Variants in GALNTL6 observed in about 807,000 individuals in gnomAD.
The protein encoded by GALNTL6 is polypeptide N-acetylgalactosaminyltransferase like 6.
In GALNTL6, 46 loss-of-function variants were observed where a neutral mutation model predicts 73.7. The ratio of observed to expected loss-of-function variants is 0.62; its 90% confidence interval spans 0.49 to 0.80. The LOEUF is 0.80. GALNTL6 is among the 30% of genes least tolerant of loss of function. The probability of loss-of-function intolerance (pLI) is 0.00; values close to 1 mark genes in which losing one functional copy is unlikely to be tolerated. For missense variants in GALNTL6, 604 were observed against 755.0 expected, an observed-to-expected ratio of 0.80 and a Z score of 2.34; for synonymous variants, 259 against 263.7, an observed-to-expected ratio of 0.98 and a Z score of 0.17.
At chr4:171,946,920 G>T (rs961139960) in intron 2 of GALNTL6, among the ~76,000 whole-genome samples, 2 of 151,446 alleles carry the variant, frequency 1.3e-5, no homozygotes, top group Non-Finnish European at 2.9e-5. Flanking sequence ...GTTCCGGGGG[G>T]TACAAATAAA....
intron 2 of GALNTL6, among the ~76,000 whole-genome samples, chr4:172,131,552 A>G (rs1160304220): frequency 2.0e-5 from 3 of 150,590 alleles, no homozygotes; most frequent in Non-Finnish European, 4.4e-5. Flanking sequence ...TTGTGTGTGT[A>G]TGCTTTTATT....
At chr4:172,147,266 A>AT (rs1411172408) in intron 2 of GALNTL6, among the ~76,000 whole-genome samples, 2 of 152,202 alleles carry the variant, frequency 1.3e-5, no homozygotes, top group Non-Finnish European at 1.5e-5. Flanking sequence ...AAACATGAAT[A>AT]TTTTTGCAAG....
intron 10 of GALNTL6, among the ~76,000 whole-genome samples, chr4:173,006,388 A>T (rs1752292630): frequency 6.6e-6 from 1 of 152,154 alleles, no homozygotes; most frequent in Non-Finnish European, 1.5e-5. Context: ...ACAGCTTTAG[A>T]AAACCAACAC....
chr4:172,297,920 T>G (rs1360451549), intron 3 of GALNTL6, among the ~76,000 whole-genome samples: 2 of 151,918 alleles, frequency 1.3e-5, no homozygotes, highest in African/African-American at 2.4e-5. Context: ...GGGATGACAT[T>G]GAATCTGTAA....
At chr4:172,486,870 C>T (rs975031616) in intron 5 of GALNTL6, among the ~76,000 whole-genome samples, 2 of 152,160 alleles carry the variant, frequency 1.3e-5, no homozygotes, top group Non-Finnish European at 2.9e-5. Context: ...ATTCAAGATG[C>T]TCAAAGATAA....
At position 172,809,328 on chromosome 4, in the gene GALNTL6, G is replaced by A. The variant is rs369789872; in HGVS notation, c.554-33G>A. On this transcript the variant is annotated intron_variant, in intron 5 of 12. Transcript: ENST00000506823. The surrounding 1 kb of genome is among the most constrained non-coding windows in gnomAD (Gnocchi z 4.4). ...AATTCAGCTGCAACTAATGTTTTGCGTTTTTTCTATGCATTCTCTACTTCC... is the reference window on the plus strand; with the variant it reads ...AATTCAGCTGCAACTAATGTTTTGCATTTTTTCTATGCATTCTCTACTTCC... 77 of 1,585,310 alleles carry A rather than the reference G, an allele frequency of 4.9e-5. No homozygotes were observed. The highest frequency in any genetic ancestry group is 1.4e-4 in the Admixed American group (8 of 59,186).
intron 4 of GALNTL6, among the ~76,000 whole-genome samples, chr4:172,332,500 ACT>A (rs1283680305): frequency 1.4e-5 from 2 of 146,436 alleles, no homozygotes; most frequent in Non-Finnish European, 1.5e-5. Context: ...TCTACTTTAC[ACT>A]CTCTATTTCC....
Position 172,936,184 on chromosome 4 carries a change from C to T in GALNTL6, c.1149+4916C>T, listed in dbSNP as rs535774103. On this transcript the variant is annotated intron_variant, in intron 9 of 12. Coordinates refer to ENST00000506823, the MANE Select transcript of GALNTL6 (RefSeq NM_001034845.3). Reference sequence around the variant, plus strand: ...AGCAGAACCAACGACAAAAACCACACGATTATCTCAATATATGCAGAAAAG... The same window carrying T: ...AGCAGAACCAACGACAAAAACCACATGATTATCTCAATATATGCAGAAAAG... Among the ~76,000 whole-genome samples, 22 of 152,222 alleles carry T rather than the reference C, an allele frequency of 1.4e-4. No individual in the cohort carries two copies. In the South Asian group the frequency reaches 3.9e-3, roughly 27 times the overall value.
chr4:172,351,590 A>G (rs906490381), intron 5 of GALNTL6, among the ~76,000 whole-genome samples: 6 of 152,132 alleles, frequency 3.9e-5, no homozygotes, highest in African/African-American at 1.4e-4. Flanking sequence ...ATTCTGATGC[A>G]TCTGTAGCTG....
At chr4:172,786,213 A>G (rs1653991420) in intron 5 of GALNTL6, among the ~76,000 whole-genome samples, 1 of 152,232 alleles carries the variant, frequency 6.6e-6, no homozygotes, top group South Asian at 2.1e-4. Context: ...AAGAAACTTC[A>G]GAAAACATAA....
chr4:172,495,782 A>C (rs1367142992), intron 5 of GALNTL6, among the ~76,000 whole-genome samples: 2 of 152,174 alleles, frequency 1.3e-5, no homozygotes, highest in African/African-American at 4.8e-5. Flanking sequence ...ATAAGCTTCT[A>C]TTGATGTTAA....
intron 2 of GALNTL6, among the ~76,000 whole-genome samples, chr4:171,989,832 TGCCGAACGA>T (rs1485982065): frequency 6.6e-6 from 1 of 152,214 alleles, no homozygotes; most frequent in South Asian, 2.1e-4. Context: ...TCAGGGTTGC[TGCCGAACGA>T]GCCATGAACT....
At chr4:172,223,834 A>T (rs570810867) in intron 2 of GALNTL6, among the ~76,000 whole-genome samples, 4 of 152,170 alleles carry the variant, frequency 2.6e-5, no homozygotes, top group Non-Finnish European at 5.9e-5. Flanking sequence ...ATAAAATTAC[A>T]TAAGAATACA....
intron 5 of GALNTL6, among the ~76,000 whole-genome samples, chr4:172,351,090 C>A (rs182594396): frequency 5.1e-4 from 78 of 152,184 alleles, no homozygotes; most frequent in Non-Finnish European, 1.0e-3. Context: ...TTTCTACTCA[C>A]CAAATACTCT....
chr4:172,810,922 T>G (rs1166068737), intron 6 of GALNTL6, among the ~76,000 whole-genome samples: 4 of 151,986 alleles, frequency 2.6e-5, no homozygotes, highest in Non-Finnish European at 4.4e-5. Context: ...AGCAAATCCC[T>G]AAATGCCAAT....
intron 8 of GALNTL6, among the ~76,000 whole-genome samples, chr4:172,906,348 A>G (rs1454702541): frequency 6.6e-6 from 1 of 152,208 alleles, no homozygotes; most frequent in Non-Finnish European, 1.5e-5. Context: ...AGTTAAGATT[A>G]TAGGTGAAAC....
chr4:172,263,107 C>A (rs1738314094), intron 3 of GALNTL6, among the ~76,000 whole-genome samples: 1 of 151,440 alleles, frequency 6.6e-6, no homozygotes, highest in Non-Finnish European at 1.5e-5. Context: ...AGATGATGAT[C>A]TATTAGCAAT....
chr4:172,129,411 T>C (rs1458849800), intron 2 of GALNTL6, among the ~76,000 whole-genome samples: 2 of 152,192 alleles, frequency 1.3e-5, no homozygotes, highest in Non-Finnish European at 2.9e-5. Flanking sequence ...AACTCCACAT[T>C]GGTGGCTAGA....
chr4:172,704,365 G>C (rs1276892846), intron 5 of GALNTL6, among the ~76,000 whole-genome samples: 1 of 151,496 alleles, frequency 6.6e-6, no homozygotes, highest in Non-Finnish European at 1.5e-5. Context: ...ATCTTTTTCT[G>C]TATCCCATAG....
Sources: allele counts gnomAD v4.1 joint callset (sites outside exome capture counted in the v4.1 genomes callset), GRCh38; gene constraint gnomAD v4.1.1; non-coding constraint Gnocchi (gnomAD v3.1); transcripts MANE v1.5; gene names NCBI Gene and HGNC (gene_info 2026-07-23, HGNC 2026-07-21).